Variants in TAS2R1 observed in about 807,000 individuals in gnomAD.
TAS2R1 encodes taste receptor type 2 member 1.
For missense variants in TAS2R1, 370 were observed against 353.4 expected (o/e 1.05, Z -0.38); for synonymous variants, 141 against 134.2 (o/e 1.05, Z -0.35).
At chr5:9,736,942 T>C in the TAS2R1 span, among the ~76,000 whole-genome samples, 1 of 152,162 alleles carries the variant, frequency 6.6e-6, no homozygotes, top group African/African-American at 2.4e-5. Context: ...TCTCATTAAG[T>C]TCTCCCTACC....
chr5:9,770,043 G>T, the TAS2R1 span, among the ~76,000 whole-genome samples: 1 of 152,084 alleles, frequency 6.6e-6, no homozygotes, highest in African/African-American at 2.4e-5. Flanking sequence ...TAATTTCATA[G>T]TTTGGGTATT....
the TAS2R1 span, among the ~76,000 whole-genome samples, chr5:9,863,307 G>A: frequency 0.015 from 1,965 of 134,264 alleles, 48 homozygotes; most frequent in African/African-American, 0.053. Context: ...TCGCTCTATC[G>A]CCCAGACTGG....
chr5:9,801,535 C>G, the TAS2R1 span, among the ~76,000 whole-genome samples: 1 of 152,122 alleles, frequency 6.6e-6, no homozygotes, highest in Non-Finnish European at 1.5e-5. Context: ...ATCCACAGAC[C>G]CTTTGAAGGA....
intron 1 of TAS2R1, among the ~76,000 whole-genome samples, chr5:9,683,126 G>GT (rs1020660497): frequency 6.6e-6 from 1 of 151,796 alleles, no homozygotes; most frequent in African/African-American, 2.4e-5. Context: ...TACAAAACTT[G>GT]TTTTTTTCCT....
At chr5:9,794,130 A>C in the TAS2R1 span, among the ~76,000 whole-genome samples, 7 of 152,206 alleles carry the variant, frequency 4.6e-5, no homozygotes, top group Non-Finnish European at 1.0e-4. Flanking sequence ...GGGTCATTTA[A>C]GTCATTTGAA....
upstream of TAS2R1, among the ~76,000 whole-genome samples, chr5:9,714,918 A>G (rs1655792479): frequency 6.6e-6 from 1 of 152,252 alleles, no homozygotes; most frequent in Admixed American, 6.5e-5. Context: ...CAGTATCTAT[A>G]TACACACCTA....
chr5:9,900,682 G>A, the TAS2R1 span, among the ~76,000 whole-genome samples: 183 of 146,372 alleles, frequency 1.3e-3, 1 homozygote, highest in Admixed American at 2.7e-3. Flanking sequence ...GTGCAGTGGC[G>A]TGATCTCGGC....
At chr5:9,787,150 TAGAC>T in the TAS2R1 span, among the ~76,000 whole-genome samples, 17 of 152,164 alleles carry the variant, frequency 1.1e-4, no homozygotes, top group African/African-American at 3.6e-4. Flanking sequence ...TAGCACATCA[TAGAC>T]AGTCAACAAA....
the TAS2R1 span, among the ~76,000 whole-genome samples, chr5:9,861,037 G>GTTTTTTTTTTTTTATTTTTTTTT: frequency 1.1e-5 from 1 of 88,612 alleles, no homozygotes; most frequent in Non-Finnish European, 2.2e-5. Context: ...GGAAGATGAG[G>GTTTTTTTTTTTTTATTTTTTTTT]TTTTTTTTTT....
chr5:9,802,410 C>A, the TAS2R1 span, among the ~76,000 whole-genome samples: 1 of 152,168 alleles, frequency 6.6e-6, no homozygotes, highest in Non-Finnish European at 1.5e-5. Flanking sequence ...CCCCGTGGAA[C>A]AAAAGAATCT....
intron 2 of TAS2R1, among the ~76,000 whole-genome samples, chr5:9,650,939 A>G (rs1299505096): frequency 2.0e-5 from 3 of 152,230 alleles, no homozygotes; most frequent in African/African-American, 7.2e-5. Context: ...AATGTTTAAA[A>G]TAAAAATACA....
chr5:9,703,404 C>T (rs1260685028), intron 1 of TAS2R1, among the ~76,000 whole-genome samples: 1 of 152,130 alleles, frequency 6.6e-6, no homozygotes, highest in Admixed American at 6.5e-5. Flanking sequence ...TCTGACAGGT[C>T]CAGCAGGCAT....
At chr5:9,822,503 C>G in the TAS2R1 span, among the ~76,000 whole-genome samples, 7 of 152,000 alleles carry the variant, frequency 4.6e-5, no homozygotes, top group African/African-American at 1.7e-4. Context: ...GTGTGTGCCA[C>G]CACGCCTGGC....
chr5:9,669,847 G>A (rs1432509081), intron 1 of TAS2R1, among the ~76,000 whole-genome samples: 3 of 151,926 alleles, frequency 2.0e-5, no homozygotes, highest in Admixed American at 2.0e-4. Flanking sequence ...CACAGCTAGA[G>A]GGACCAGAGA....
the TAS2R1 span, among the ~76,000 whole-genome samples, chr5:9,840,857 ATTTTTTTTTTTTTTTTTTTTTTTTTTTTT>A: frequency 3.8e-5 from 5 of 132,088 alleles, no homozygotes; most frequent in East Asian, 2.2e-4. Context: ...TTATTTATTT[ATTTTTTTTTTTTTTTTTTTTTTTTTTTTT>A]TTTTTTTGAG....
At chr5:9,650,923 T>C (rs1172950396) in intron 2 of TAS2R1, among the ~76,000 whole-genome samples, 1 of 152,198 alleles carries the variant, frequency 6.6e-6, no homozygotes, top group African/African-American at 2.4e-5. Flanking sequence ...AATGAATGTA[T>C]AATTAAATGT....
upstream of TAS2R1, chr5:9,712,981 G>C (rs1437264399): frequency 6.6e-6 from 1 of 152,244 alleles, no homozygotes; most frequent in Non-Finnish European, 1.5e-5. Flanking sequence ...ACTTGGCCCT[G>C]GTCATGCCAC....
chr5:9,900,301 T>C, the TAS2R1 span, among the ~76,000 whole-genome samples: 1 of 152,250 alleles, frequency 6.6e-6, no homozygotes, highest in Non-Finnish European at 1.5e-5. Flanking sequence ...GAACCACCTC[T>C]GACAAACACT....
chr5:9,832,022 A>G, the TAS2R1 span, among the ~76,000 whole-genome samples: 2 of 152,224 alleles, frequency 1.3e-5, no homozygotes, highest in Admixed American at 6.5e-5. Flanking sequence ...GCCAACTAGC[A>G]CCAGGGCCAG....
Sources: gnomAD v4.1 joint callset for allele counts (sites outside exome capture counted in the v4.1 genomes callset) on GRCh38, gnomAD v4.1.1 for gene constraint, MANE v1.5 for transcripts, NCBI Gene and HGNC (gene_info 2026-07-23, HGNC 2026-07-21) for gene names.